AP3B1: variants seen among roughly 807,000 people sequenced by gnomAD.
AP3B1 encodes the protein adaptor related protein complex 3 subunit beta 1, also known as AP-3 complex subunit beta-1.
In AP3B1, 61 loss-of-function variants were observed where a neutral mutation model predicts 132.5. That is an observed-to-expected ratio of 0.46 (90% CI 0.37 to 0.57). The LOEUF is 0.57. AP3B1 is among the 20% of genes least tolerant of loss of function. AP3B1 has a pLI of 0.00. For synonymous variants in AP3B1, 388 were observed against 438.3 expected, an observed-to-expected ratio of 0.89 and a Z score of 1.43; for missense variants, 1,120 against 1,289.4, an observed-to-expected ratio of 0.87 and a Z score of 2.01.
rs550621535 is a variant in AP3B1, at chr5:78,186,475, C to T, written c.787-4813G>A. On this transcript the variant is annotated intron_variant, in intron 7 of 26. Transcript: ENST00000255194. Reference sequence around the variant, plus strand: ...GAATAAAGTCGGTTTGGCTATGAAACGGCAACATGAAGATTCCCTGTGATG... The same window carrying T: ...GAATAAAGTCGGTTTGGCTATGAAATGGCAACATGAAGATTCCCTGTGATG... Among the ~76,000 whole-genome samples the T allele has an allele frequency of 3.3e-5, 5 of 152,234 alleles. No homozygotes were observed. In the South Asian group the frequency reaches 6.2e-4, roughly 19 times the overall value.
intron 8 of AP3B1, among the ~76,000 whole-genome samples, chr5:78,177,638 A>G (rs1449177636): frequency 6.6e-6 from 1 of 152,164 alleles, no homozygotes; most frequent in Non-Finnish European, 1.5e-5. Context: ...CTTATTTGGA[A>G]GTGGGATCTC....
chr5:78,155,004 G>C (rs12513481), intron 14 of AP3B1, among the ~76,000 whole-genome samples: 28,270 of 152,096 alleles, frequency 0.19, 2,915 homozygotes, highest in Admixed American at 0.28. Flanking sequence ...GGATGGTCTT[G>C]ATGCTTACAG....
chr5:78,096,010 G>A (rs1173950713), intron 21 of AP3B1, among the ~76,000 whole-genome samples: 3 of 152,104 alleles, frequency 2.0e-5, no homozygotes, highest in African/African-American at 7.2e-5. Flanking sequence ...TTGTGTCCCT[G>A]TCCCTCTCCC....
chr5:78,094,580 T>C (rs991187231), intron 21 of AP3B1, among the ~76,000 whole-genome samples: 4 of 152,068 alleles, frequency 2.6e-5, no homozygotes, highest in African/African-American at 9.7e-5. Flanking sequence ...CAGACAATCA[T>C]TATTTCTGGT....
chr5:78,066,774 C>A (rs1378382230), intron 22 of AP3B1, among the ~76,000 whole-genome samples: 1 of 152,164 alleles, frequency 6.6e-6, no homozygotes, highest in Admixed American at 6.5e-5. Context: ...CTTCCCCAGC[C>A]TAGCAAGACA....
At chr5:78,131,735 C>T (rs1752695152) in intron 15 of AP3B1, among the ~76,000 whole-genome samples, 1 of 152,070 alleles carries the variant, frequency 6.6e-6, no homozygotes, top group African/African-American at 2.4e-5. Flanking sequence ...TTGATTAAAT[C>T]TTGAGCTCTC....
chr5:78,015,058 G>C (rs1029856855), intron 26 of AP3B1, among the ~76,000 whole-genome samples: 1 of 152,148 alleles, frequency 6.6e-6, no homozygotes, highest in Non-Finnish European at 1.5e-5. Flanking sequence ...CAACTATACT[G>C]CTTTATAGAA....
intron 22 of AP3B1, chr5:78,043,593 C>T (rs1284180598): frequency 1.0e-5 from 5 of 484,488 alleles, no homozygotes; most frequent in Admixed American, 8.7e-5. Flanking sequence ...GTCTGGTCTT[C>T]TTTAAGGTGG....
chr5:78,241,017 C>T lies in AP3B1; in HGVS notation c.205-81G>A, dbSNP rs191434271. 498 of 964,742 alleles carry T rather than the reference C, an allele frequency of 5.2e-4. 5 individuals are homozygous for T. In the East Asian group the frequency reaches 6.5e-3, roughly 13 times the overall value. 59.8% of individuals were successfully genotyped at this position (964,742 alleles called of 1,614,324 possible). On this transcript the variant is annotated intron_variant, in intron 2 of 26. Coordinates refer to ENST00000255194, the MANE Select transcript of AP3B1 (RefSeq NM_003664.5). ...GAAGATTAGGTCAACAAATAAGCTA[C>T]GTAATTAACCGCTGAACTCTTTTTG...
In AP3B1 at chr5:78,002,905, C is replaced by CGT; in HGVS notation, c.3281_3282insAC (p.Ter1095ArgfsTer9). 1 of 1,614,140 alleles carries CGT rather than the reference C, an allele frequency of 6.2e-7. No individual in the cohort carries two copies. The highest frequency in any genetic ancestry group is 8.5e-7 in the Non-Finnish European group (1 of 1,180,026). On this transcript the variant is annotated frameshift_variant, in exon 27 of 27. Transcript: ENST00000255194. LOFTEE classifies it high-confidence loss of function. ...CTAAAGTCCAGATGTAAGCAGGTTA[C>CGT]CCCTGAGACAGGACAGGCTTCAGTT...
chr5:78,052,542 T>C (rs1298507037), intron 22 of AP3B1, among the ~76,000 whole-genome samples: 1 of 152,238 alleles, frequency 6.6e-6, no homozygotes, highest in East Asian at 1.9e-4. Context: ...TGCACTCATT[T>C]ATTTATGTAT....
At chr5:78,163,034 T>C in intron 12 of AP3B1, 83 bp from the exon 13 acceptor site, 3 of 1,330,698 alleles carry the variant, frequency 2.3e-6, no homozygotes, top group East Asian at 2.3e-5. Flanking sequence ...TTTGTCAATA[T>C]ATAAGAATTC....
chr5:78,019,354 G>T (rs1320867284), intron 25 of AP3B1, among the ~76,000 whole-genome samples: 3 of 151,920 alleles, frequency 2.0e-5, no homozygotes, highest in Non-Finnish European at 2.9e-5. Context: ...GGAGTGAAAG[G>T]GTATATAATA....
chr5:78,071,175 T>C (rs1372906259), intron 22 of AP3B1, among the ~76,000 whole-genome samples: 1 of 152,182 alleles, frequency 6.6e-6, no homozygotes, highest in African/African-American at 2.4e-5. Flanking sequence ...CCATCTATGA[T>C]AGACTGGATA....
At chr5:78,031,817 T>C (rs1427637391) in intron 24 of AP3B1, among the ~76,000 whole-genome samples, 1 of 152,230 alleles carries the variant, frequency 6.6e-6, no homozygotes, top group African/African-American at 2.4e-5. Flanking sequence ...TAATGGCATC[T>C]GTTCTTATAT....
intron 2 of AP3B1, among the ~76,000 whole-genome samples, chr5:78,258,891 A>G (rs1747959082): frequency 6.6e-6 from 1 of 152,212 alleles, no homozygotes; most frequent in African/African-American, 2.4e-5. Context: ...GTCATTTGCA[A>G]CAACATGGGT....
rs137940309 is a variant in AP3B1, at chr5:78,052,631, C to T, written c.2578-13357G>A. 1.6e-3 allele frequency among the ~76,000 whole-genome samples: 243 copies of T among 152,198 alleles called. 2 individuals are homozygous for T. The East Asian group carries it at 0.025, about 16-fold the overall frequency. ...AAAGCTGAACATCTTTACTACCTGG[C>T]CCTTTACAAAAAATGTTTGCCGATC... On this transcript the variant is annotated intron_variant, in intron 22 of 26. Transcript: ENST00000255194.
intron 22 of AP3B1, among the ~76,000 whole-genome samples, chr5:78,044,527 A>T (rs977619064): frequency 3.3e-5 from 5 of 152,232 alleles, no homozygotes; most frequent in Non-Finnish European, 7.3e-5. Flanking sequence ...CCTACATATA[A>T]TATCGGGGAA....
chr5:78,007,226 G>T (rs1421906845), intron 26 of AP3B1, among the ~76,000 whole-genome samples: 2 of 152,174 alleles, frequency 1.3e-5, no homozygotes, highest in Non-Finnish European at 2.9e-5. Flanking sequence ...TATCTGAGAG[G>T]CTGCGTCAGT....
Sources: gnomAD v4.1 joint callset for allele counts (sites outside exome capture counted in the v4.1 genomes callset) on GRCh38, gnomAD v4.1.1 for gene constraint, MANE v1.5 for transcripts, NCBI Gene and HGNC (gene_info 2026-07-23, HGNC 2026-07-21) for gene names.